Variants in ATP10B observed in about 807,000 individuals in gnomAD.
The protein encoded by ATP10B is ATPase phospholipid transporting 10B (putative).
In ATP10B, 122 loss-of-function variants were observed where a neutral mutation model predicts 141.2. That is an observed-to-expected ratio of 0.86 (90% confidence interval 0.75 to 1.00). The LOEUF is 1.00. Among genes scored for constraint, ATP10B ranks in the 50% least tolerant of loss-of-function variants. The pLI, the probability that ATP10B is intolerant of heterozygous loss-of-function variation, is 0.00. For synonymous variants in ATP10B, 685 were observed against 692.0 expected (o/e 0.99, Z 0.16); for missense variants, 1,876 against 1,825.3 (o/e 1.03, Z -0.51).
intron 7 of ATP10B, among the ~76,000 whole-genome samples, chr5:160,653,771 T>TACATATATACATATATATTATATAG: frequency 8.0e-6 from 1 of 124,846 alleles, no homozygotes; most frequent in Non-Finnish European, 1.5e-5. Flanking sequence ...ATATAATATA[T>TACATATATACATATATATTATATAG]ACATATATAC....
intron 2 of ATP10B, among the ~76,000 whole-genome samples, chr5:160,733,002 G>C (rs1222549913): frequency 1.3e-5 from 2 of 152,056 alleles, no homozygotes; most frequent in Admixed American, 6.6e-5. Context: ...AGCATCATTG[G>C]TATTTTGATA....
chr5:160,769,773 A>G (rs1227559575), intron 2 of ATP10B, among the ~76,000 whole-genome samples: 1 of 152,228 alleles, frequency 6.6e-6, no homozygotes, highest in Non-Finnish European at 1.5e-5. Context: ...TAGTACAATT[A>G]GTAGCATTGC....
chr5:160,923,053 T>G, the ATP10B span, among the ~76,000 whole-genome samples: 1 of 152,232 alleles, frequency 6.6e-6, no homozygotes, highest in Non-Finnish European at 1.5e-5. Flanking sequence ...ATCGATGAAG[T>G]GTCTTTCTGT....
the ATP10B span, among the ~76,000 whole-genome samples, chr5:160,891,559 GA>G: frequency 3.9e-5 from 6 of 152,104 alleles, no homozygotes; most frequent in African/African-American, 1.2e-4. Context: ...AGGTTCAAGG[GA>G]TTCTCGTGCT....
intron 2 of ATP10B, among the ~76,000 whole-genome samples, chr5:160,718,473 A>G (rs1765786248): frequency 6.6e-6 from 1 of 152,222 alleles, no homozygotes; most frequent in African/African-American, 2.4e-5. Context: ...AGAATATCAG[A>G]GACTGGGTAA....
chr5:160,880,777 T>C, the ATP10B span, among the ~76,000 whole-genome samples: 1 of 152,124 alleles, frequency 6.6e-6, no homozygotes, highest in Admixed American at 6.5e-5. Flanking sequence ...CTTACATCTT[T>C]CACAAAGATT....
intron 3 of ATP10B, among the ~76,000 whole-genome samples, chr5:160,700,445 A>T (rs534471854): frequency 3.3e-5 from 5 of 152,236 alleles, no homozygotes; most frequent in South Asian, 2.1e-4. Flanking sequence ...GTCCAGGGGG[A>T]TGCATGACCA....
intron 2 of ATP10B, among the ~76,000 whole-genome samples, chr5:160,733,883 A>G (rs1766920582): frequency 6.6e-6 from 1 of 151,846 alleles, no homozygotes; most frequent in Admixed American, 6.6e-5. Flanking sequence ...AGGAGGTAAG[A>G]TCATGAGGTC....
At chr5:160,853,549 T>G (rs999012988), upstream of ATP10B, among the ~76,000 whole-genome samples, 3 of 152,192 alleles carry the variant, frequency 2.0e-5, no homozygotes, top group African/African-American at 7.2e-5. Flanking sequence ...AGACCAGCTC[T>G]TTCCCATTAT....
At chr5:160,903,680 ATC>A in the ATP10B span, among the ~76,000 whole-genome samples, 2 of 152,138 alleles carry the variant, frequency 1.3e-5, no homozygotes, top group African/African-American at 4.8e-5. Context: ...CATTTAAGGT[ATC>A]TCTGTCACAT....
In ATP10B at chr5:160,817,449, A is replaced by G. The variant is rs868055971; in HGVS notation, c.-575-31646T>C. 7.9e-3 allele frequency among the ~76,000 whole-genome samples: 1,200 copies of G among 152,092 alleles called. 14 individuals carry two copies. Among genetic ancestry groups the G allele is most frequent in the African/African-American group, 0.024 (996 of 41,528 alleles). ...CCTAGGAATCCAACTTACAAGGGAC[A>G]TGAAGGACCTCTTCAATAACTACAA... On this transcript the variant is annotated intron_variant, in intron 1 of 25. Coordinates refer to ENST00000327245, the MANE Select transcript of ATP10B (RefSeq NM_025153.3).
At chr5:160,789,011 G>T (rs946352916) in intron 1 of ATP10B, among the ~76,000 whole-genome samples, 1 of 152,116 alleles carries the variant, frequency 6.6e-6, no homozygotes, top group East Asian at 1.9e-4. Flanking sequence ...TCTGACTAGG[G>T]CCTCAATAGT....
At position 160,826,123 on chromosome 5, in the gene ATP10B, GTGTA is replaced by G. The variant is rs556842287; in HGVS notation, c.-576+25814_-576+25817del. On this transcript the variant is annotated intron_variant, in intron 1 of 25. Transcript: ENST00000327245. ...GAGTAGCATGGCAATGAACATATGAGTGTATGTGTCTTTTTTTGTATAACTCTCT... is the reference window on the plus strand; with the variant it reads ...GAGTAGCATGGCAATGAACATATGAGTGTGTCTTTTTTTGTATAACTCTCT... Among the ~76,000 whole-genome samples, 914 of 152,284 alleles carry G rather than the reference GTGTA, an allele frequency of 6.0e-3. 12 individuals are homozygous for G. Among genetic ancestry groups the G allele is most frequent in the African/African-American group, 0.021 (870 of 41,564 alleles).
intron 1 of ATP10B, among the ~76,000 whole-genome samples, chr5:160,813,870 CAG>C (rs1272737368): frequency 2.0e-5 from 3 of 152,198 alleles, no homozygotes; most frequent in African/African-American, 7.2e-5. Context: ...CCCAGGCAAA[CAG>C]GGTCTGGAGT....
intron 9 of ATP10B, among the ~76,000 whole-genome samples, chr5:160,640,854 T>C (rs1402365187): frequency 6.6e-6 from 1 of 152,226 alleles, no homozygotes; most frequent in African/African-American, 2.4e-5. Flanking sequence ...GGCTATGCCC[T>C]GTACAACTTT....
At chr5:160,752,427 T>A (rs374161390) in intron 2 of ATP10B, among the ~76,000 whole-genome samples, 1 of 152,142 alleles carries the variant, frequency 6.6e-6, no homozygotes, top group African/African-American at 2.4e-5. Context: ...ATACAAGGAC[T>A]CCCTCTCAAA....
intron 2 of ATP10B, among the ~76,000 whole-genome samples, chr5:160,760,857 G>A (rs1050108364): frequency 6.6e-6 from 1 of 152,002 alleles, no homozygotes; most frequent in Non-Finnish European, 1.5e-5. Context: ...CACAGTGGCC[G>A]CAGTAGGCCC....
intron 9 of ATP10B, among the ~76,000 whole-genome samples, chr5:160,642,241 T>C (rs563386627): frequency 1.3e-5 from 2 of 152,338 alleles, no homozygotes; most frequent in East Asian, 3.9e-4. Flanking sequence ...GAGATGATTG[T>C]GGTGTATGAA....
In ATP10B at chr5:160,565,771, G is replaced by A. The variant is rs751303457; in HGVS notation, c.4068C>T (p.Ala1356=). The change falls in exon 26 of 26, where the codon GCC becomes GCT. Residue 1356 remains alanine, a synonymous_variant. Transcript: ENST00000327245. ...IQSWRSRQRP[A]PVPEVARPTH... Reference sequence around the variant, plus strand: ...TTGGTCGAGCCACTTCGGGGACAGGGGCAGGCCTCTGTCTGCTTCTCCAAC... The same window carrying A: ...TTGGTCGAGCCACTTCGGGGACAGGAGCAGGCCTCTGTCTGCTTCTCCAAC... 6.2e-7 allele frequency: 1 copy of A among 1,614,012 alleles called. No individual in the cohort carries two copies. Among genetic ancestry groups the A allele is most frequent in the East Asian group, 2.2e-5 (1 of 44,858 alleles).
Sources: allele counts gnomAD v4.1 joint callset (sites outside exome capture counted in the v4.1 genomes callset), GRCh38; gene constraint gnomAD v4.1.1; transcripts MANE v1.5; gene names NCBI Gene and HGNC (gene_info 2026-07-23, HGNC 2026-07-21).